CAP2: variants seen among roughly 807,000 people sequenced by gnomAD.
The protein encoded by CAP2 is adenylyl cyclase-associated protein 2.
In CAP2, 24 loss-of-function variants were observed where a neutral mutation model predicts 57.7. The observed-to-expected ratio is 0.42, with a 90% CI of 0.30 to 0.58. CAP2 has a LOEUF of 0.58. CAP2 is among the 20% of genes least tolerant of loss of function. The probability of loss-of-function intolerance (pLI) is 0.22; values close to 1 mark genes in which losing one functional copy is unlikely to be tolerated. For synonymous variants in CAP2, 194 were observed against 207.2 expected, an observed-to-expected ratio of 0.94 and a Z score of 0.55; for missense variants, 501 against 590.3, an observed-to-expected ratio of 0.85 and a Z score of 1.57.
intron 11 of CAP2, among the ~76,000 whole-genome samples, chr6:17,544,605 G>C (rs1762997648): frequency 6.6e-6 from 1 of 151,768 alleles, no homozygotes; most frequent in Non-Finnish European, 1.5e-5. Context: ...AGTGGCCCAG[G>C]CCAGGCGCAA....
intron 3 of CAP2, among the ~76,000 whole-genome samples, chr6:17,454,597 C>T (rs1307885843): frequency 6.6e-6 from 1 of 152,194 alleles, no homozygotes; most frequent in East Asian, 1.9e-4. Flanking sequence ...GCTCATGTGG[C>T]TTCTTTATAA....
At chr6:17,473,209 A>T (rs1198175571) in intron 4 of CAP2, among the ~76,000 whole-genome samples, 2 of 152,192 alleles carry the variant, frequency 1.3e-5, no homozygotes, top group African/African-American at 2.4e-5. Flanking sequence ...CCTTTGTTTG[A>T]TCAACTGTTC....
At chr6:17,406,566 G>A (rs182446810) in intron 1 of CAP2, among the ~76,000 whole-genome samples, 1 of 151,890 alleles carries the variant, frequency 6.6e-6, no homozygotes, top group Non-Finnish European at 1.5e-5. Flanking sequence ...GCTAATTTTT[G>A]TATTTTTAGT....
intron 3 of CAP2, among the ~76,000 whole-genome samples, chr6:17,438,931 T>A (rs1434307639): frequency 6.7e-6 from 1 of 149,996 alleles, no homozygotes; most frequent in Non-Finnish European, 1.5e-5. Context: ...ACCAACATGG[T>A]GAAACCCCGT....
intron 6 of CAP2, among the ~76,000 whole-genome samples, chr6:17,508,594 A>T (rs544275088): frequency 8.3e-4 from 127 of 152,144 alleles, no homozygotes; most frequent in Non-Finnish European, 1.5e-3. Context: ...CCTGGACTCA[A>T]GAGTGGATCT....
At chr6:17,427,260 A>G (rs1759617763) in intron 3 of CAP2, among the ~76,000 whole-genome samples, 1 of 152,152 alleles carries the variant, frequency 6.6e-6, no homozygotes, top group Non-Finnish European at 1.5e-5. Flanking sequence ...GGAGAGGGGT[A>G]ACAAGGGCTC....
chr6:17,555,102 C>A (rs540344164), intron 12 of CAP2, among the ~76,000 whole-genome samples: 143 of 152,336 alleles, frequency 9.4e-4, no homozygotes, highest in Non-Finnish European at 1.8e-3. Context: ...GCATTGGCAT[C>A]ACCTGGGAGC....
At chr6:17,460,993 T>A (rs1760704909) in intron 3 of CAP2, among the ~76,000 whole-genome samples, 1 of 151,914 alleles carries the variant, frequency 6.6e-6, no homozygotes, top group Non-Finnish European at 1.5e-5. Flanking sequence ...ACTAAAAAAT[T>A]CAAAAGTTAG....
intron 9 of CAP2, among the ~76,000 whole-genome samples, chr6:17,542,095 C>T (rs1762917038): frequency 6.6e-6 from 1 of 152,162 alleles, no homozygotes; most frequent in South Asian, 2.1e-4. Context: ...CCCTGTTTCT[C>T]CCCCTGCACC....
intron 4 of CAP2, among the ~76,000 whole-genome samples, chr6:17,475,092 G>A (rs1234017963): frequency 1.3e-5 from 2 of 152,030 alleles, no homozygotes; most frequent in Non-Finnish European, 2.9e-5. Flanking sequence ...CTACTCAGGA[G>A]GCTGAGGCAG....
At chr6:17,528,890 A>G (rs1239961724) in intron 7 of CAP2, among the ~76,000 whole-genome samples, 1 of 152,170 alleles carries the variant, frequency 6.6e-6, no homozygotes, top group African/African-American at 2.4e-5. Flanking sequence ...GGCCCCCAGA[A>G]ACTTTGTTTT....
intron 3 of CAP2, among the ~76,000 whole-genome samples, chr6:17,435,705 G>T (rs968931810): frequency 1.2e-4 from 6 of 49,056 alleles, no homozygotes; most frequent in East Asian, 7.1e-4. Context: ...AAAAAAAAAA[G>T]AAGTTTACGG....
rs554957079 is a variant in CAP2 at position 17,455,958 on chromosome 6, T to TA, written c.223-7037dup. Among the ~76,000 whole-genome samples, 550 of 152,338 alleles carry TA rather than the reference T, an allele frequency of 3.6e-3. 1 individual carries two copies. The highest frequency in any genetic ancestry group is 5.5e-3 in the Non-Finnish European group (374 of 68,030). ...GAACTGTGTGGTTGCTGCTGACTTG[T>TA]ACAGATTTGCTGCTGCTAACAGTTT... On this transcript the variant is annotated intron_variant, in intron 3 of 12. Transcript: ENST00000229922.
intron 4 of CAP2, 99 bp from the exon 5 acceptor site, chr6:17,507,070 C>T (rs766257850): frequency 9.5e-5 from 109 of 1,148,112 alleles, no homozygotes; most frequent in East Asian, 3.7e-4. Flanking sequence ...CCTTAACAGA[C>T]GGCAGGTCCT....
chr6:17,395,436 C>T (rs1758641422), intron 1 of CAP2, among the ~76,000 whole-genome samples: 1 of 152,122 alleles, frequency 6.6e-6, no homozygotes. Context: ...AATGTAAAAA[C>T]TATTCTTAGC....
chr6:17,534,451 T>A (rs936303453), intron 7 of CAP2, among the ~76,000 whole-genome samples: 33 of 152,296 alleles, frequency 2.2e-4, no homozygotes, highest in African/African-American at 4.6e-4. Context: ...CTGTCATGTC[T>A]TACCCATCTC....
intron 1 of CAP2, among the ~76,000 whole-genome samples, chr6:17,406,744 T>C: frequency 6.6e-6 from 1 of 152,168 alleles, no homozygotes; most frequent in East Asian, 1.9e-4. Flanking sequence ...CTTACTGTTC[T>C]GCCACACAGT....
chr6:17,551,137 A>G (rs1450806774), intron 11 of CAP2, among the ~76,000 whole-genome samples: 1 of 152,236 alleles, frequency 6.6e-6, no homozygotes, highest in Non-Finnish European at 1.5e-5. Flanking sequence ...AATCAAATAC[A>G]TGTTTTGAAT....
Position 17,542,875 on chromosome 6 carries a change from G to A in CAP2, c.1041G>A (p.Glu347=). The A allele has an allele frequency of 6.2e-7, 1 of 1,612,186 alleles. No homozygotes were observed. The highest frequency in any genetic ancestry group is 1.1e-5 in the South Asian group (1 of 91,042). ...QEDRNDLVIS[E]TELKQVAYIF... ...ACAGGAATGACCTTGTGATTTCAGA[G>A]ACTGAGCTGAAACAAGTGGCTTACA... Residue 347 remains glutamate (E), a synonymous_variant, in exon 10 of 13, where the codon GAG becomes GAA. Transcript: ENST00000229922.
Sources: allele counts gnomAD v4.1 joint callset (sites outside exome capture counted in the v4.1 genomes callset), GRCh38; gene constraint gnomAD v4.1.1; transcripts MANE v1.5; gene names NCBI Gene and HGNC (gene_info 2026-07-23, HGNC 2026-07-21).